EGFR: variants seen among roughly 807,000 people sequenced by gnomAD.
EGFR encodes epidermal growth factor receptor, also known as avian erythroblastic leukemia viral (v-erb-b) oncogene homolog.
EGFR carries 58 observed loss-of-function variants against 143.0 expected under a neutral mutation model. The observed-to-expected ratio is 0.41, with a 90% confidence interval of 0.33 to 0.50. The LOEUF is 0.50. EGFR is among the 20% of genes least tolerant of loss of function. EGFR has a pLI of 0.39. For missense variants in EGFR, 1,307 were observed against 1,579.0 expected (o/e 0.83, Z 2.92); for synonymous variants, 613 against 594.4 (o/e 1.03, Z -0.45).
intron 1 of EGFR, among the ~76,000 whole-genome samples, chr7:55,022,993 T>C (rs1212455029): frequency 6.6e-6 from 1 of 152,246 alleles, no homozygotes; most frequent in African/African-American, 2.4e-5. Context: ...GACTAGCAGC[T>C]AGCATCTGAA....
rs529174941 is a variant in EGFR at position 55,201,769 on chromosome 7, T to C, written c.3149T>C (p.Ile1050Thr). 1.1e-5 allele frequency: 18 copies of C among 1,614,220 alleles called. No homozygotes were observed. Among genetic ancestry groups the C allele is most frequent in the South Asian group, 8.8e-5 (8 of 91,076 alleles). Residue 1050 changes from isoleucine to threonine, a missense_variant, in exon 26 of 28, where the codon ATT becomes ACT. Physicochemically the swap from Ile to Thr is moderately conservative, Grantham distance 89. This residue lies in a region of EGFR where 313 missense variants were observed against 312.3 expected (regional missense o/e 1.00). Transcript: ENST00000275493. Reference protein sequence around the residue: ...ATSNNSTVACIDRNGLQSCPI... With the variant: ...ATSNNSTVACTDRNGLQSCPI... ...AGCAACAATTCCACCGTGGCTTGCA[T>C]TGATAGAAATGGGGTATGTATGAAC...
chr7:55,132,046 G>A (rs1793874045), intron 1 of EGFR, among the ~76,000 whole-genome samples: 1 of 151,034 alleles, frequency 6.6e-6, no homozygotes, highest in African/African-American at 2.4e-5. Context: ...TTTTGAAAGA[G>A]GGGCTTTTAT....
intron 22 of EGFR, among the ~76,000 whole-genome samples, chr7:55,196,429 T>G (rs571271236): frequency 2.0e-4 from 31 of 152,224 alleles, no homozygotes; most frequent in African/African-American, 7.5e-4. Context: ...TAGACCCTTC[T>G]CAGATTTGTA....
chr7:55,100,712 G>T (rs1791760009), intron 1 of EGFR, among the ~76,000 whole-genome samples: 1 of 152,186 alleles, frequency 6.6e-6, no homozygotes, highest in Non-Finnish European at 1.5e-5. Flanking sequence ...GGCCACTCCT[G>T]GGACACGCAG....
At chr7:55,155,516 T>C (rs1785366510) in intron 7 of EGFR, among the ~76,000 whole-genome samples, 1 of 152,116 alleles carries the variant, frequency 6.6e-6, no homozygotes, top group African/African-American at 2.4e-5. Context: ...ATGAATTACT[T>C]TAAAGGTGAG....
intron 1 of EGFR, among the ~76,000 whole-genome samples, chr7:55,113,331 A>G (rs1220846034): frequency 6.6e-6 from 1 of 152,182 alleles, no homozygotes; most frequent in Non-Finnish European, 1.5e-5. Context: ...TTCAGTAAAC[A>G]TGGTATTGCC....
At chr7:55,059,520 C>T (rs1789041688) in intron 1 of EGFR, among the ~76,000 whole-genome samples, 1 of 152,020 alleles carries the variant, frequency 6.6e-6, no homozygotes, top group Non-Finnish European at 1.5e-5. Context: ...TGGTGGTGTA[C>T]GTTCTTCAGG....
chr7:55,059,872 C>T (rs566892040), intron 1 of EGFR, among the ~76,000 whole-genome samples: 1 of 152,244 alleles, frequency 6.6e-6, no homozygotes, highest in African/African-American at 2.4e-5. Flanking sequence ...CCGAGATGTG[C>T]TGAGCAGATA....
chr7:55,146,498 C>T, intron 3 of EGFR, 108 bp from the exon 4 acceptor site: 4 of 1,552,726 alleles, frequency 2.6e-6, no homozygotes, highest in Non-Finnish European at 3.5e-6. Flanking sequence ...CTCTTGTTCG[C>T]ACCATGGCAT....
intron 1 of EGFR, among the ~76,000 whole-genome samples, chr7:55,127,717 C>T (rs888776521): frequency 1.3e-5 from 2 of 152,308 alleles, no homozygotes; most frequent in Admixed American, 6.5e-5. Context: ...TAAACAACTT[C>T]AGGATGAATT....
Position 55,208,115 on chromosome 7 carries a change from C to A in EGFR, c.*2498C>A, listed in dbSNP as rs551968570. ...TCTTCTTCATATTTTAATTTTCCAC[C>A]ATAAAGTTTAGTTGCTAAATTCTAT... On this transcript the variant is annotated 3_prime_UTR_variant, in exon 28 of 28. Coordinates refer to ENST00000275493, the MANE Select transcript of EGFR (RefSeq NM_005228.5). 2 of 152,238 alleles carry A rather than the reference C, an allele frequency of 1.3e-5. No individual in the cohort carries two copies. The highest frequency in any genetic ancestry group is 2.9e-5 in the Non-Finnish European group (2 of 67,996). The allele number at this position is 152,238 out of a possible 1,614,324, so 9.4% of individuals were successfully genotyped here.
intron 1 of EGFR, among the ~76,000 whole-genome samples, chr7:55,058,299 C>T (rs1032265111): frequency 6.6e-6 from 1 of 151,956 alleles, no homozygotes; most frequent in African/African-American, 2.4e-5. Flanking sequence ...AAGGCTGAGG[C>T]AGGAAAATTG....
In EGFR at chr7:55,160,280, G is replaced by A. The variant is rs969019007; in HGVS notation, c.1440G>A (p.Leu480=). 5.0e-6 allele frequency: 8 copies of A among 1,613,882 alleles called. No individual in the cohort carries two copies. In the African/African-American group the frequency reaches 6.7e-5, roughly 13 times the overall value. The change falls in exon 12 of 28, where the codon CTG becomes CTA. Residue 480 remains leucine (L), a synonymous_variant. Coordinates refer to ENST00000275493, the MANE Select transcript of EGFR (RefSeq NM_005228.5). ...CAAATACAATAAACTGGAAAAAACT[G>A]TTTGGGACCTCCGGTCAGAAAACCA... The part of the protein sequence containing the change: ...CYANTINWKK[L]FGTSGQKTKI...
chr7:55,181,915 G>T, intron 20 of EGFR: 1 of 282,752 alleles, frequency 3.5e-6, no homozygotes, highest in African/African-American at 2.2e-5. Flanking sequence ...AGGAGGCCCA[G>T]TGAGGAGGTG....
intron 20 of EGFR, among the ~76,000 whole-genome samples, chr7:55,185,484 G>T (rs936437672): frequency 6.6e-6 from 1 of 152,354 alleles, no homozygotes; most frequent in African/African-American, 2.4e-5. Flanking sequence ...CATCCGTGCC[G>T]TTTGGAAAGC....
intron 1 of EGFR, among the ~76,000 whole-genome samples, chr7:55,101,836 T>C (rs1194947095): frequency 6.6e-6 from 1 of 152,184 alleles, no homozygotes; most frequent in Non-Finnish European, 1.5e-5. Context: ...CAGCATACTG[T>C]GTATTCTAGG....
chr7:55,115,773 G>T (rs923050249), intron 1 of EGFR, among the ~76,000 whole-genome samples: 1 of 152,196 alleles, frequency 6.6e-6, no homozygotes, highest in African/African-American at 2.4e-5. Flanking sequence ...TACAGTAGCA[G>T]GCAGGTGTCT....
chr7:55,066,205 T>C (rs1789490687), intron 1 of EGFR, among the ~76,000 whole-genome samples: 1 of 152,186 alleles, frequency 6.6e-6, no homozygotes, highest in Non-Finnish European at 1.5e-5. Flanking sequence ...GCAGTTGACA[T>C]TTCTGAAAAC....
chr7:55,204,602 TACACACACCAC>T (rs1204959668), intron 27 of EGFR, among the ~76,000 whole-genome samples: 1 of 64,560 alleles, frequency 1.5e-5, no homozygotes, highest in South Asian at 5.1e-4. Context: ...TACACACACG[TACACACACCAC>T]ACACACACCA....
Sources: allele counts gnomAD v4.1 joint callset (sites outside exome capture counted in the v4.1 genomes callset), GRCh38; gene constraint gnomAD v4.1.1; regional missense constraint gnomAD v4.1.1; transcripts MANE v1.5; gene names NCBI Gene and HGNC (gene_info 2026-07-23, HGNC 2026-07-21).